PPP1R14C: variants seen among roughly 807,000 people sequenced by gnomAD.
The protein encoded by PPP1R14C is protein phosphatase 1 regulatory subunit 14C.
In PPP1R14C, 16 loss-of-function variants were observed where a neutral mutation model predicts 20.4. That is an observed-to-expected ratio of 0.78 (90% confidence interval 0.53 to 1.19). The LOEUF is 1.19. Among genes scored for constraint, PPP1R14C ranks in the 50% most tolerant of loss-of-function variants. The pLI is 0.00. For synonymous variants in PPP1R14C, 91 were observed against 91.0 expected, an observed-to-expected ratio of 1.00 and a Z score of 0.00; for missense variants, 211 against 220.1, an observed-to-expected ratio of 0.96 and a Z score of 0.26.
In PPP1R14C at chr6:150,207,115, G is replaced by A. The variant is rs541466186; in HGVS notation, c.307-7629G>A. ...CCAGACCTCATGATCTGCCTGCCTC[G>A]ATCTCCCAAAGTGCTGGGATTACAG... On this transcript the variant is annotated intron_variant, in intron 1 of 3. Transcript: ENST00000361131. Among the ~76,000 whole-genome samples the A allele has an allele frequency of 3.5e-4, 53 of 152,106 alleles. 2 individuals are homozygous for A. The South Asian group carries it at 1.0e-2, about 29-fold the overall frequency.
At chr6:150,154,913 A>G (rs1445854646) in intron 1 of PPP1R14C, among the ~76,000 whole-genome samples, 1 of 152,108 alleles carries the variant, frequency 6.6e-6, no homozygotes, top group African/African-American at 2.4e-5. Context: ...TTTGCATTTA[A>G]TTGGGTTAAC....
intron 3 of PPP1R14C, among the ~76,000 whole-genome samples, chr6:150,234,212 A>C (rs1330784490): frequency 6.6e-6 from 1 of 152,174 alleles, no homozygotes; most frequent in African/African-American, 2.4e-5. Context: ...AGAATGACTA[A>C]TATGAAAAAT....
At chr6:150,145,186 T>A (rs747465370) in intron 1 of PPP1R14C, among the ~76,000 whole-genome samples, 1 of 152,100 alleles carries the variant, frequency 6.6e-6, no homozygotes, top group Non-Finnish European at 1.5e-5. Context: ...TCAGAATAAT[T>A]AGAAAAAATG....
intron 1 of PPP1R14C, among the ~76,000 whole-genome samples, chr6:150,162,761 A>G (rs1034535495): frequency 6.6e-6 from 1 of 152,238 alleles, no homozygotes; most frequent in African/African-American, 2.4e-5. Flanking sequence ...ACAGCGAAAG[A>G]GTCCCTGTGC....
At chr6:150,176,246 C>T (rs12210913) in intron 1 of PPP1R14C, among the ~76,000 whole-genome samples, 61,506 of 152,074 alleles carry the variant, frequency 0.4, 13,316 homozygotes, top group East Asian at 0.8. Flanking sequence ...CAGGCCAGCC[C>T]TGGAAGGATT....
At position 150,148,716 on chromosome 6, in the gene PPP1R14C, A is replaced by G. The variant is rs146565223; in HGVS notation, c.306+5218A>G. ...GTATTTGAGGACAGGCTTTTAAACA[A>G]CAACAAAACCCCCTGAACTCCATAA... On this transcript the variant is annotated intron_variant, in intron 1 of 3. Coordinates refer to ENST00000361131, the MANE Select transcript of PPP1R14C (RefSeq NM_030949.3). Among the ~76,000 whole-genome samples, 1,050 of 152,324 alleles carry G rather than the reference A, an allele frequency of 6.9e-3. 30 individuals are homozygous for G. Among genetic ancestry groups the G allele is most frequent in the Admixed American group, 0.049 (749 of 15,300 alleles).
chr6:150,162,324 G>C (rs1257168733), intron 1 of PPP1R14C, among the ~76,000 whole-genome samples: 1 of 152,126 alleles, frequency 6.6e-6, no homozygotes, highest in Non-Finnish European at 1.5e-5. Context: ...CAAAGTGCTG[G>C]GATTATAGGC....
At chr6:150,148,583 G>T (rs925925163) in intron 1 of PPP1R14C, among the ~76,000 whole-genome samples, 1 of 152,190 alleles carries the variant, frequency 6.6e-6, no homozygotes, top group East Asian at 1.9e-4. Context: ...TCCAGGTACA[G>T]TATCACATCA....
intron 1 of PPP1R14C, chr6:150,195,056 C>T: frequency 1.0e-6 from 1 of 984,916 alleles, no homozygotes; most frequent in Non-Finnish European, 1.2e-6. Context: ...TGAATATAAC[C>T]TGTATGACCA....
In PPP1R14C at chr6:150,176,118, G is replaced by A. The variant is rs189804418; in HGVS notation, c.306+32620G>A. Among the ~76,000 whole-genome samples the A allele has an allele frequency of 2.2e-3, 333 of 152,350 alleles. 3 individuals carry two copies. The highest frequency in any genetic ancestry group is 3.3e-3 in the Non-Finnish European group (225 of 68,040). On this transcript the variant is annotated intron_variant, in intron 1 of 3. Coordinates refer to ENST00000361131, the MANE Select transcript of PPP1R14C (RefSeq NM_030949.3). ...TAATTACCTGTCTGTTGGAGAGAGA[G>A]TGTTCTTATAATTGGGGTGAACAGG... is the stretch of plus-strand genomic sequence containing the variant.
chr6:150,155,952 G>A (rs868477516), intron 1 of PPP1R14C, among the ~76,000 whole-genome samples: 2 of 147,138 alleles, frequency 1.4e-5, no homozygotes, highest in South Asian at 4.3e-4. Flanking sequence ...TTGAACCTGG[G>A]AGGCAGAGAC....
At chr6:150,196,709 CCTT>C (rs567532519) in intron 1 of PPP1R14C, among the ~76,000 whole-genome samples, 294 of 152,296 alleles carry the variant, frequency 1.9e-3, no homozygotes, top group African/African-American at 6.5e-3. Context: ...CATGGCCTCT[CCTT>C]CTCCCTGTCC....
intron 1 of PPP1R14C, among the ~76,000 whole-genome samples, chr6:150,190,897 C>T (rs1433443283): frequency 6.6e-6 from 1 of 152,172 alleles, no homozygotes; most frequent in Non-Finnish European, 1.5e-5. Context: ...CTATCCTCAA[C>T]CCGGATGCCA....
In PPP1R14C at chr6:150,248,925, TTG is replaced by T. The variant is rs1189770217; in HGVS notation, c.*107_*108del. 2.2e-4 allele frequency: 140 copies of T among 623,000 alleles called. No individual in the cohort carries two copies. The highest frequency in any genetic ancestry group is 1.4e-3 in the Middle Eastern group (5 of 3,660). 38.6% of individuals were successfully genotyped at this position (623,000 alleles called of 1,614,324 possible). A position where few individuals can be genotyped will look rare whatever the true frequency, so the allele number is the denominator to read the frequency against. ...ATAGGTGTCCTTATGAACAACGTTTTTGTTTTTTTTTTTTTCTTTTTTGGTGT... is the reference window on the plus strand; with the variant it reads ...ATAGGTGTCCTTATGAACAACGTTTTTTTTTTTTTTTTTCTTTTTTGGTGT... On this transcript the variant is annotated 3_prime_UTR_variant, in exon 4 of 4. Transcript: ENST00000361131.
At chr6:150,171,146 T>C (rs187133408) in intron 1 of PPP1R14C, among the ~76,000 whole-genome samples, 1 of 152,158 alleles carries the variant, frequency 6.6e-6, no homozygotes, top group Admixed American at 6.5e-5. Context: ...CCACTCAAGG[T>C]GCTGTACATT....
At chr6:150,175,878 C>T (rs571797294) in intron 1 of PPP1R14C, among the ~76,000 whole-genome samples, 36 of 152,310 alleles carry the variant, frequency 2.4e-4, no homozygotes, top group Middle Eastern at 3.4e-3. Flanking sequence ...GCAATCTACC[C>T]GTGGTGTTTT....
intron 1 of PPP1R14C, among the ~76,000 whole-genome samples, chr6:150,189,950 T>C (rs371760794): frequency 3.0e-4 from 45 of 152,206 alleles, no homozygotes; most frequent in Admixed American, 1.0e-3. Flanking sequence ...CCTCCAGGCA[T>C]CTACAGGAGG....
intron 1 of PPP1R14C, among the ~76,000 whole-genome samples, chr6:150,166,006 C>T (rs1015528533): frequency 2.6e-5 from 4 of 151,804 alleles, no homozygotes; most frequent in African/African-American, 9.7e-5. Context: ...AGTGCCAGTA[C>T]ACCAGATCGC....
chr6:150,153,680 C>G (rs552448707), intron 1 of PPP1R14C, among the ~76,000 whole-genome samples: 1 of 152,312 alleles, frequency 6.6e-6, no homozygotes, highest in East Asian at 1.9e-4. Context: ...TTTTCTTAGT[C>G]AGCACTGGCA....
Sources: allele counts gnomAD v4.1 joint callset (sites outside exome capture counted in the v4.1 genomes callset), GRCh38; gene constraint gnomAD v4.1.1; transcripts MANE v1.5; gene names NCBI Gene and HGNC (gene_info 2026-07-23, HGNC 2026-07-21).